The following STRBP variants were observed in gnomAD, a reference collection of about 807,000 sequenced individuals.
The protein encoded by STRBP is spermatid perinuclear RNA binding protein.
In STRBP, 13 loss-of-function variants were observed where a neutral mutation model predicts 80.1. The ratio of observed to expected loss-of-function variants is 0.16; its 90% CI spans 0.11 to 0.26. The LOEUF (loss-of-function observed/expected upper bound fraction) is 0.26, where lower values mean the gene tolerates loss of function less well. STRBP is among the 10% of genes least tolerant of loss of function. STRBP has a pLI of 1.00. For missense variants in STRBP, 485 were observed against 815.2 expected, an observed-to-expected ratio of 0.59 and a Z score of 4.93; for synonymous variants, 284 against 291.2, an observed-to-expected ratio of 0.98 and a Z score of 0.25.
downstream of STRBP, chr9:123,121,528 C>G (rs888522135): frequency 6.6e-6 from 1 of 151,872 alleles, no homozygotes; most frequent in Non-Finnish European, 1.5e-5. Context: ...ATTCACCACC[C>G]GAGTCTTGCT....
intron 4 of STRBP, among the ~76,000 whole-genome samples, chr9:123,178,174 C>G (rs1340877268): frequency 6.6e-6 from 1 of 152,140 alleles, no homozygotes; most frequent in Non-Finnish European, 1.5e-5. Flanking sequence ...TCAATACTTT[C>G]CTATTATTAT....
intron 1 of STRBP, among the ~76,000 whole-genome samples, chr9:123,243,705 A>G (rs2132612827): frequency 6.6e-6 from 1 of 152,356 alleles, no homozygotes; most frequent in Middle Eastern, 3.4e-3. Context: ...GCAGATGGCA[A>G]ATAAGCATAT....
intron 1 of STRBP, 137 bp downstream of exon 1, chr9:123,268,299 C>G (rs1475587489): frequency 6.6e-6 from 1 of 152,644 alleles, no homozygotes; most frequent in East Asian, 1.9e-4. Flanking sequence ...CCGCCACCGC[C>G]GCCGCCGCTG....
chr9:123,184,210 G>T lies in STRBP; in HGVS notation c.-76C>A. 3 of 1,474,664 alleles carry T rather than the reference G, an allele frequency of 2.0e-6. No individual in the cohort carries two copies. Among genetic ancestry groups the T allele is most frequent in the South Asian group, 1.2e-5 (1 of 81,824 alleles). The allele number at this position is 1,474,664 out of a possible 1,614,324, so 91.3% of individuals were successfully genotyped here. A position where few individuals can be genotyped will look rare whatever the true frequency, so the allele number is the denominator to read the frequency against. Reference sequence around the variant, plus strand: ...TGTCGTCTTCACTAGACACTGTTTTGTGTAACAATACCTCCTCATAAGCCT... The same window carrying T: ...TGTCGTCTTCACTAGACACTGTTTTTTGTAACAATACCTCCTCATAAGCCT... On this transcript the variant is annotated 5_prime_UTR_variant, in exon 3 of 19. Transcript: ENST00000348403.
chr9:123,254,775 T>C (rs771658296), intron 1 of STRBP, among the ~76,000 whole-genome samples: 1 of 152,210 alleles, frequency 6.6e-6, no homozygotes, highest in African/African-American at 2.4e-5. Flanking sequence ...TTCAGGACAG[T>C]TGGGTCCTAC....
rs941916871 is a variant in STRBP, at chr9:123,268,462, C to T, written c.-328G>A. On this transcript the variant is annotated 5_prime_UTR_variant, in exon 1 of 19. Transcript: ENST00000348403. Reference sequence around the variant, plus strand: ...CGCGCCGCCGCGCTCTGCCCGCGCCCGGTACCCGCTCCCGCTCCGCCGCCG... The same window carrying T: ...CGCGCCGCCGCGCTCTGCCCGCGCCTGGTACCCGCTCCCGCTCCGCCGCCG... 6.3e-4 allele frequency: 101 copies of T among 159,956 alleles called. No homozygotes were observed. Among genetic ancestry groups the T allele is most frequent in the Non-Finnish European group, 1.2e-3 (88 of 74,834 alleles). 9.9% of individuals were successfully genotyped at this position (159,956 alleles called of 1,614,324 possible).
intron 2 of STRBP, among the ~76,000 whole-genome samples, chr9:123,220,389 C>G (rs966551536): frequency 1.3e-5 from 2 of 152,146 alleles, no homozygotes; most frequent in African/African-American, 4.8e-5. Flanking sequence ...CTACCAAATA[C>G]GGTTGTAGGC....
intron 2 of STRBP, among the ~76,000 whole-genome samples, chr9:123,236,562 C>T (rs2040568481): frequency 6.6e-6 from 1 of 151,384 alleles, no homozygotes; most frequent in African/African-American, 2.4e-5. Flanking sequence ...AGTAATTTGC[C>T]AGCATAGTAT....
chr9:123,165,129 A>G (rs559734767), intron 6 of STRBP, among the ~76,000 whole-genome samples: 2 of 152,130 alleles, frequency 1.3e-5, no homozygotes, highest in African/African-American at 4.8e-5. Context: ...GAAAACATAA[A>G]AATTAGCTGG....
At chr9:123,132,538 G>A (rs2036179341) in intron 17 of STRBP, among the ~76,000 whole-genome samples, 1 of 151,936 alleles carries the variant, frequency 6.6e-6, no homozygotes, top group Non-Finnish European at 1.5e-5. Flanking sequence ...CTATGTCCTC[G>A]ATGAAAACAC....
At chr9:123,160,916 G>C in intron 7 of STRBP, 61 bp downstream of exon 7, 1 of 1,360,758 alleles carries the variant, frequency 7.3e-7, no homozygotes, top group East Asian at 2.5e-5. Context: ...TTAAGTGGCA[G>C]GTGTTCCAAA....
chr9:123,237,257 C>T (rs756100717), intron 1 of STRBP, among the ~76,000 whole-genome samples: 43 of 152,178 alleles, frequency 2.8e-4, no homozygotes, highest in Admixed American at 1.8e-3. Flanking sequence ...CAGAAAATTG[C>T]TAACTACCAA....
At position 123,123,588 on chromosome 9, in the gene STRBP, G is replaced by C; in HGVS notation, c.*2009C>G. On this transcript the variant is annotated 3_prime_UTR_variant, in exon 19 of 19. Coordinates refer to ENST00000348403, the MANE Select transcript of STRBP (RefSeq NM_018387.5). ...CATTTGAAATGACTGCCATCATGTT[G>C]GAAAACAGCACAGCTCCCTTTTCAC... 1 of 984,676 alleles carries C rather than the reference G, an allele frequency of 1.0e-6. No homozygotes were observed. The highest frequency in any genetic ancestry group is 1.8e-5 in the African/African-American group (1 of 57,122). The allele number at this position is 984,676 out of a possible 1,614,324, so 61.0% of individuals were successfully genotyped here.
rs778702424 is a variant in STRBP at position 123,141,817 on chromosome 9, A to G, written c.1339-2130T>C. On this transcript the variant is annotated intron_variant, in intron 13 of 18. Coordinates refer to ENST00000348403, the MANE Select transcript of STRBP (RefSeq NM_018387.5). ...CAACACAGTGTAACCAAAAAATTCA[A>G]ATCAAATCATTTTTTATGAACAGTT... 2.0e-5 allele frequency among the ~76,000 whole-genome samples: 3 copies of G among 152,334 alleles called. No individual in the cohort carries two copies. The East Asian group carries it at 5.8e-4, about 29-fold the overall frequency.
At chr9:123,128,670 C>T (rs2035999237) in intron 17 of STRBP, among the ~76,000 whole-genome samples, 1 of 152,168 alleles carries the variant, frequency 6.6e-6, no homozygotes, top group Non-Finnish European at 1.5e-5. Flanking sequence ...ATTTGTTGAA[C>T]AAAAGAATAC....
At chr9:123,180,759 C>T (rs1254259697) in intron 3 of STRBP, 1 of 230,848 alleles carries the variant, frequency 4.3e-6, no homozygotes, top group Non-Finnish European at 7.1e-6. Context: ...ACAAATATCA[C>T]GAAGACACTT....
At chr9:123,120,481 G>A (rs2035713218), downstream of STRBP, among the ~76,000 whole-genome samples, 1 of 52,934 alleles carries the variant, frequency 1.9e-5, no homozygotes, top group Non-Finnish European at 4.3e-5. Context: ...CTAATTGCGG[G>A]CGGGGGGGTG....
chr9:123,206,725 G>A (rs146474338), intron 2 of STRBP, among the ~76,000 whole-genome samples: 2,140 of 151,490 alleles, frequency 0.014, 53 homozygotes, highest in African/African-American at 0.049. Context: ...CACAACCTCC[G>A]CCTCCCGGGT....
In STRBP at chr9:123,268,450, TCTGCCCGCGCC is replaced by T. The variant is rs2041328470; in HGVS notation, c.-327_-317del. Reference sequence around the variant, plus strand: ...CCGGAGCCTACCCGCGCCGCCGCGCTCTGCCCGCGCCCGGTACCCGCTCCCGCTCCGCCGCC... The same window carrying T: ...CCGGAGCCTACCCGCGCCGCCGCGCTCGGTACCCGCTCCCGCTCCGCCGCC... On this transcript the variant is annotated 5_prime_UTR_variant, in exon 1 of 19. Coordinates refer to ENST00000348403, the MANE Select transcript of STRBP (RefSeq NM_018387.5). 1 of 156,362 alleles carries T rather than the reference TCTGCCCGCGCC, an allele frequency of 6.4e-6. No individual in the cohort carries two copies. Among genetic ancestry groups the T allele is most frequent in the African/African-American group, 2.5e-5 (1 of 40,320 alleles). The allele number at this position is 156,362 out of a possible 1,614,324, so 9.7% of individuals were successfully genotyped here.
Sources: gnomAD v4.1 joint callset for allele counts (sites outside exome capture counted in the v4.1 genomes callset) on GRCh38, gnomAD v4.1.1 for gene constraint, MANE v1.5 for transcripts, NCBI Gene and HGNC (gene_info 2026-07-23, HGNC 2026-07-21) for gene names.